COPG2: variants seen among roughly 807,000 people sequenced by gnomAD.
The protein encoded by COPG2 is coatomer subunit gamma-2.
In COPG2, 37 loss-of-function variants were observed where a neutral mutation model predicts 46.3. That is an observed-to-expected ratio of 0.80 (90% CI 0.61 to 1.05). The LOEUF (loss-of-function observed/expected upper bound fraction) is 1.05, where lower values mean the gene tolerates loss of function less well. Ranked by LOEUF, COPG2 falls within the 50% of genes least tolerant of loss-of-function variation. The pLI, the probability that COPG2 is intolerant of heterozygous loss-of-function variation, is 0.00. For missense variants in COPG2, 427 were observed against 387.8 expected (o/e 1.10, Z -0.85); for synonymous variants, 159 against 129.7 (o/e 1.23, Z -1.53).
At chr7:130,665,462 G>T (rs1554461303) in intron 3 of COPG2, among the ~76,000 whole-genome samples, 1 of 151,902 alleles carries the variant, frequency 6.6e-6, no homozygotes, top group Non-Finnish European at 1.5e-5. Context: ...ACCAGGCTCA[G>T]ATTGAAAATA....
intron 1 of COPG2, among the ~76,000 whole-genome samples, chr7:130,668,221 C>A (rs1027928240): frequency 1.3e-5 from 2 of 152,160 alleles, no homozygotes; most frequent in African/African-American, 2.4e-5. Flanking sequence ...CCTCCACACA[C>A]ACCCTGTGCC....
intron 23 of COPG2, among the ~76,000 whole-genome samples, chr7:130,507,045 T>C (rs1799506294): frequency 6.6e-6 from 1 of 152,208 alleles, no homozygotes; most frequent in African/African-American, 2.4e-5. Flanking sequence ...AAAAGGAATG[T>C]TGGTGGTGGC....
intron 10 of COPG2, 134 bp from the exon 11 acceptor site, chr7:130,563,470 C>G (rs1793750777): frequency 1.1e-5 from 4 of 375,178 alleles, no homozygotes; most frequent in Non-Finnish European, 1.9e-5. Flanking sequence ...TGACTATTAC[C>G]TATATATGCT....
At chr7:130,610,070 C>T (rs142609428) in intron 9 of COPG2, 42 of 519,156 alleles carry the variant, frequency 8.1e-5, no homozygotes, top group Non-Finnish European at 1.5e-4. Flanking sequence ...TCAGCTTCTA[C>T]TGACTATTTT....
intron 20 of COPG2, among the ~76,000 whole-genome samples, chr7:130,531,980 G>A (rs1799830713): frequency 6.6e-6 from 1 of 152,144 alleles, no homozygotes; most frequent in Admixed American, 6.5e-5. Context: ...AGACAATAGC[G>A]AAAGAGAAAA....
At chr7:130,542,878 G>A (rs2116373795) in intron 20 of COPG2, among the ~76,000 whole-genome samples, 1 of 152,278 alleles carries the variant, frequency 6.6e-6, no homozygotes, top group South Asian at 2.1e-4. Flanking sequence ...AGTTCCCAAA[G>A]TGGGGGCACT....
chr7:130,583,761 C>T (rs1319448872), intron 9 of COPG2, among the ~76,000 whole-genome samples: 2 of 131,510 alleles, frequency 1.5e-5, no homozygotes, highest in Non-Finnish European at 3.1e-5. Flanking sequence ...GAGCCAAGAT[C>T]GCGCCACTGC....
intron 20 of COPG2, among the ~76,000 whole-genome samples, chr7:130,545,875 T>G (rs1218589328): frequency 6.6e-6 from 1 of 152,194 alleles, no homozygotes; most frequent in Admixed American, 6.5e-5. Context: ...GTTGTTGTTG[T>G]TGGTTTTTTC....
intron 20 of COPG2, among the ~76,000 whole-genome samples, chr7:130,528,654 G>A (rs1313589453): frequency 6.6e-6 from 1 of 151,196 alleles, no homozygotes; most frequent in Non-Finnish European, 1.5e-5. Flanking sequence ...GCGCCCCAGG[G>A]GCTGACTGCT....
At chr7:130,620,966 T>G (rs556880423) in intron 5 of COPG2, among the ~76,000 whole-genome samples, 29 of 152,314 alleles carry the variant, frequency 1.9e-4, no homozygotes, top group African/African-American at 7.0e-4. Flanking sequence ...AAAGGTACTT[T>G]GCAGATGTGA....
At chr7:130,615,760 A>T (rs2116512106) in intron 6 of COPG2, among the ~76,000 whole-genome samples, 1 of 152,274 alleles carries the variant, frequency 6.6e-6, no homozygotes, top group South Asian at 2.1e-4. Flanking sequence ...GGTGGCCAAG[A>T]GTGTACTGCA....
At chr7:130,580,022 C>A (rs1486647339) in intron 9 of COPG2, among the ~76,000 whole-genome samples, 1 of 150,318 alleles carries the variant, frequency 6.7e-6, no homozygotes, top group Admixed American at 6.6e-5. Flanking sequence ...AACTCTCCAC[C>A]CCAAATCAAC....
intron 9 of COPG2, among the ~76,000 whole-genome samples, chr7:130,601,846 GGAAGGAAGGAAGGAAGCAAA>G (rs1241843211): frequency 8.7e-5 from 13 of 148,748 alleles, no homozygotes; most frequent in East Asian, 3.9e-4. Context: ...AAGGAAGGAG[GGAAGGAAGGAAGGAAGCAAA>G]GAAGGAAGGA....
At chr7:130,544,519 G>T (rs1793396074) in intron 20 of COPG2, among the ~76,000 whole-genome samples, 1 of 152,026 alleles carries the variant, frequency 6.6e-6, no homozygotes, top group East Asian at 1.9e-4. Flanking sequence ...TGTTGAAATG[G>T]TTCCAGATAA....
intron 19 of COPG2, 83 bp from the exon 20 acceptor site, chr7:130,547,928 C>T (rs1793471528): frequency 5.0e-6 from 2 of 398,012 alleles, no homozygotes; most frequent in African/African-American, 2.1e-5. Context: ...CTCTGGAACC[C>T]ACTATACCTT....
At chr7:130,605,533 T>G (rs782366245) in intron 9 of COPG2, among the ~76,000 whole-genome samples, 1 of 152,228 alleles carries the variant, frequency 6.6e-6, no homozygotes, top group African/African-American at 2.4e-5. Context: ...ACACTATTGC[T>G]GGCTCTGACA....
At chr7:130,594,051 T>A (rs1314512303) in intron 9 of COPG2, among the ~76,000 whole-genome samples, 1 of 151,872 alleles carries the variant, frequency 6.6e-6, no homozygotes, top group Non-Finnish European at 1.5e-5. Context: ...CGGACTCACA[T>A]TTAGAAGACA....
chr7:130,637,442 A>C (rs1795365238), intron 5 of COPG2, among the ~76,000 whole-genome samples: 1 of 151,988 alleles, frequency 6.6e-6, no homozygotes, highest in Non-Finnish European at 1.5e-5. Flanking sequence ...TTTCTTCTCT[A>C]ATCTTGTCTT....
rs1795299366 is a variant in COPG2 at position 130,634,691 on chromosome 7, A to G, written c.324-17626T>C. Among the ~76,000 whole-genome samples the G allele has an allele frequency of 2.6e-5, 4 of 151,820 alleles. No individual in the cohort carries two copies. In the South Asian group the frequency reaches 8.3e-4, roughly 31 times the overall value. The stretch of plus-strand genomic sequence containing the variant: ...GACAATCTGACTTCCTCCTATCTGA[A>G]TACCTTTATTGCTTTCTCTTGCTTA... On this transcript the variant is annotated intron_variant, in intron 5 of 23. Transcript: ENST00000425248.
Sources: allele counts gnomAD v4.1 joint callset (sites outside exome capture counted in the v4.1 genomes callset), GRCh38; gene constraint gnomAD v4.1.1; transcripts MANE v1.5; gene names NCBI Gene and HGNC (gene_info 2026-07-23, HGNC 2026-07-21).